STX8: variants seen among roughly 807,000 people sequenced by gnomAD.
STX8 encodes syntaxin-8.
In STX8, 23 loss-of-function variants were observed where a neutral mutation model predicts 37.5. The observed-to-expected ratio is 0.61, with a 90% CI of 0.44 to 0.87. The LOEUF is 0.87. Ranked by LOEUF, STX8 falls within the 40% of genes least tolerant of loss-of-function variation. The pLI is 0.00. For synonymous variants in STX8, 115 were observed against 99.1 expected (o/e 1.16, Z -0.95); for missense variants, 313 against 284.7 (o/e 1.10, Z -0.71).
At chr17:9,329,175 C>A (rs144213183) in intron 7 of STX8, among the ~76,000 whole-genome samples, 42 of 151,358 alleles carry the variant, frequency 2.8e-4, no homozygotes, top group Non-Finnish European at 5.2e-4. Context: ...AGAAAAGTTC[C>A]CACAGAAACA....
chr17:9,417,712 T>A (rs1913249922), intron 6 of STX8, among the ~76,000 whole-genome samples: 1 of 152,078 alleles, frequency 6.6e-6, no homozygotes, highest in East Asian at 1.9e-4. Flanking sequence ...AAACCCAACC[T>A]CTGAGGTGGT....
At chr17:9,534,571 A>C (rs1905952890) in intron 4 of STX8, among the ~76,000 whole-genome samples, 1 of 152,204 alleles carries the variant, frequency 6.6e-6, no homozygotes, top group Non-Finnish European at 1.5e-5. Flanking sequence ...TAGGCGGATC[A>C]TGAGGTCAAG....
At chr17:9,426,548 C>T (rs1305355549) in intron 6 of STX8, among the ~76,000 whole-genome samples, 1 of 151,772 alleles carries the variant, frequency 6.6e-6, no homozygotes, top group African/African-American at 2.4e-5. Flanking sequence ...ATAAATAAAA[C>T]TAAAAACTAA....
intron 7 of STX8, among the ~76,000 whole-genome samples, chr17:9,332,881 C>T (rs1955269221): frequency 3.3e-5 from 5 of 152,080 alleles, no homozygotes; most frequent in Admixed American, 3.3e-4. Context: ...ACGTATTTGC[C>T]TAGGGAGGTA....
intron 7 of STX8, among the ~76,000 whole-genome samples, chr17:9,332,277 T>C (rs538719035): frequency 1.5e-4 from 23 of 152,102 alleles, no homozygotes; most frequent in African/African-American, 5.5e-4. Context: ...GAGGGTTGAG[T>C]TGGAGTCAGG....
intron 6 of STX8, among the ~76,000 whole-genome samples, chr17:9,428,061 G>A (rs1333997265): frequency 6.6e-6 from 1 of 152,132 alleles, no homozygotes; most frequent in East Asian, 1.9e-4. Context: ...AGGACCAGTG[G>A]CTGCTGACTC....
At chr17:9,285,441 T>C (rs1316265984) in intron 7 of STX8, among the ~76,000 whole-genome samples, 1 of 148,638 alleles carries the variant, frequency 6.7e-6, no homozygotes, top group Non-Finnish European at 1.5e-5. Context: ...AGGAGAAACA[T>C]CTGGGACATC....
chr17:9,394,938 G>C (rs983326548), intron 6 of STX8, among the ~76,000 whole-genome samples: 6 of 128,620 alleles, frequency 4.7e-5, no homozygotes, highest in African/African-American at 2.3e-4. Flanking sequence ...ATAGCTGGGC[G>C]TAGTGGCGGG....
chr17:9,491,254 G>A (rs1004989731), intron 6 of STX8, among the ~76,000 whole-genome samples: 3 of 151,498 alleles, frequency 2.0e-5, no homozygotes, highest in African/African-American at 4.9e-5. Flanking sequence ...CCGTGCCCCC[G>A]TATTTCTTCC....
At position 9,500,863 on chromosome 17, in the gene STX8, C is replaced by T. The variant is rs565074063; in HGVS notation, c.448+4175G>A. Among the ~76,000 whole-genome samples the T allele has an allele frequency of 8.6e-5, 13 of 151,896 alleles. No individual in the cohort carries two copies. In the East Asian group the frequency reaches 2.1e-3, roughly 25 times the overall value. On this transcript the variant is annotated intron_variant, in intron 5 of 7. Transcript: ENST00000306357. Reference sequence around the variant, plus strand: ...TTAAAAAAATACAAAAAATTAGCCGCGCGTGGTGGCGGGCACCTGTAGTCC... The same window carrying T: ...TTAAAAAAATACAAAAAATTAGCCGTGCGTGGTGGCGGGCACCTGTAGTCC...
rs549593083 is a variant in STX8, at chr17:9,404,822, G to T, written c.542-26169C>A. Among the ~76,000 whole-genome samples the T allele has an allele frequency of 9.8e-5, 15 of 152,302 alleles. No individual in the cohort carries two copies. The South Asian group carries it at 3.1e-3, about 32-fold the overall frequency. On this transcript the variant is annotated intron_variant, in intron 6 of 7. Transcript: ENST00000306357. ...TTTAGCCAGTTTGTTTTCTGGCACT[G>T]CTGCTTTTATGTCTTCTTCCTCGTT...
At chr17:9,463,061 G>A (rs1314557203) in intron 6 of STX8, among the ~76,000 whole-genome samples, 1 of 152,202 alleles carries the variant, frequency 6.6e-6, no homozygotes, top group African/African-American at 2.4e-5. Flanking sequence ...TCTAAGAAGA[G>A]GGGAGGGGAG....
At position 9,557,477 on chromosome 17, in the gene STX8, G is replaced by A. The variant is rs955107536; in HGVS notation, c.169C>T (p.Leu57Phe). 9.9e-6 allele frequency: 16 copies of A among 1,614,044 alleles called. No homozygotes were observed. Among genetic ancestry groups the A allele is most frequent in the Non-Finnish European group, 1.2e-5 (14 of 1,179,978 alleles). The change falls in exon 3 of 8, where the codon CTT (leucine) becomes TTT (phenylalanine). Residue 57 changes from leucine to phenylalanine, a missense_variant. Coordinates refer to ENST00000306357, the MANE Select transcript of STX8 (RefSeq NM_004853.3). The part of the protein sequence containing the change: ...LLQNLKEKIA[L>F]LKDLLLRAVS... ...GCTCTTAGCAATAAGTCCTTCAAAA[G>A]GGCGATCTTTTCCTTCAGGTTCTGC... is the stretch of plus-strand genomic sequence containing the variant.
At chr17:9,445,360 G>A (rs1312269383) in intron 6 of STX8, among the ~76,000 whole-genome samples, 2 of 151,648 alleles carry the variant, frequency 1.3e-5, no homozygotes, top group African/African-American at 4.9e-5. Context: ...CTGCTAAAGA[G>A]TTTGTTTGGT....
chr17:9,419,761 A>G (rs149719425), intron 6 of STX8, among the ~76,000 whole-genome samples: 1 of 152,124 alleles, frequency 6.6e-6, no homozygotes, highest in African/African-American at 2.4e-5. Flanking sequence ...GCTCTTATGG[A>G]CCTGAATTTT....
At chr17:9,397,387 AC>A in intron 6 of STX8, among the ~76,000 whole-genome samples, 1 of 152,126 alleles carries the variant, frequency 6.6e-6, no homozygotes, top group Admixed American at 6.5e-5. Context: ...CAAGAGCAAG[AC>A]TCCGTGTTGA....
intron 6 of STX8, among the ~76,000 whole-genome samples, chr17:9,459,210 G>A (rs925359487): frequency 1.3e-5 from 2 of 152,186 alleles, no homozygotes; most frequent in African/African-American, 4.8e-5. Flanking sequence ...CTAGGTGAGA[G>A]GGTAAAAACA....
At chr17:9,572,409 G>GTTTGT (rs138963485) in intron 1 of STX8, among the ~76,000 whole-genome samples, 3 of 151,796 alleles carry the variant, frequency 2.0e-5, no homozygotes, top group Middle Eastern at 3.4e-3. Context: ...GTTTTTGTTT[G>GTTTGT]TTTGTTTTGT....
Position 9,250,616 on chromosome 17 carries a change from C to A in STX8, c.673G>T (p.Val225Leu). ...CAGACTGCAACAACCACGATAGCCA[C>A]AAGCAGCAGTAAAATCACCATGATC... ...GMIMVILLLL[V>L]AIVVVAVWPT... Residue 225 changes from valine to leucine, a missense_variant, in exon 8 of 8, where the codon GTG (valine) becomes TTG (leucine). By Grantham distance (32) the Val-to-Leu change is conservative. Coordinates refer to ENST00000306357, the MANE Select transcript of STX8 (RefSeq NM_004853.3). 1 of 1,600,986 alleles carries A rather than the reference C, an allele frequency of 6.2e-7. No individual in the cohort carries two copies. The highest frequency in any genetic ancestry group is 8.5e-7 in the Non-Finnish European group (1 of 1,173,968).
Sources: allele counts gnomAD v4.1 joint callset (sites outside exome capture counted in the v4.1 genomes callset), GRCh38; gene constraint gnomAD v4.1.1; transcripts MANE v1.5; gene names NCBI Gene and HGNC (gene_info 2026-07-23, HGNC 2026-07-21).